Variants in SLC24A2 observed in about 807,000 individuals in gnomAD.
The protein encoded by SLC24A2 is sodium/potassium/calcium exchanger 2.
In SLC24A2, 36 loss-of-function variants were observed where a neutral mutation model predicts 62.0. The observed-to-expected ratio is 0.58, with a 90% CI of 0.44 to 0.77. The LOEUF is 0.77. Among genes scored for constraint, SLC24A2 ranks in the 30% least tolerant of loss-of-function variants. The pLI is 0.00. For missense variants in SLC24A2, 846 were observed against 817.9 expected (o/e 1.03, Z -0.42); for synonymous variants, 358 against 294.0 (o/e 1.22, Z -2.23).
intron 9 of SLC24A2, among the ~76,000 whole-genome samples, chr9:19,525,010 G>C (rs546773212): frequency 6.6e-6 from 1 of 152,292 alleles, no homozygotes; most frequent in South Asian, 2.1e-4. Context: ...ATGGCAAACA[G>C]TCCTTTCAGC....
intron 8 of SLC24A2, among the ~76,000 whole-genome samples, chr9:19,547,021 C>G (rs1834612783): frequency 6.6e-6 from 1 of 152,172 alleles, no homozygotes; most frequent in African/African-American, 2.4e-5. Flanking sequence ...AATCACCTGC[C>G]TTCTGTGGCG....
At chr9:20,288,065 T>C in the SLC24A2 span, among the ~76,000 whole-genome samples, 1 of 152,118 alleles carries the variant, frequency 6.6e-6, no homozygotes, top group Non-Finnish European at 1.5e-5. Flanking sequence ...CATTAAAATT[T>C]CCAGACCATA....
the SLC24A2 span, among the ~76,000 whole-genome samples, chr9:20,007,948 T>A: frequency 7.9e-6 from 1 of 126,312 alleles, no homozygotes; most frequent in East Asian, 2.6e-4. Context: ...CAGGCTGGAG[T>A]GAAGTGGCAT....
the SLC24A2 span, among the ~76,000 whole-genome samples, chr9:20,085,116 C>G: frequency 6.6e-6 from 1 of 152,184 alleles, no homozygotes; most frequent in African/African-American, 2.4e-5. Flanking sequence ...CCACCTCAGC[C>G]TCCAGAGTAG....
the SLC24A2 span, among the ~76,000 whole-genome samples, chr9:19,801,383 G>T: frequency 6.6e-5 from 10 of 152,322 alleles, no homozygotes; most frequent in African/African-American, 2.4e-4. Context: ...CACCCTGCTG[G>T]ATGCCGAGGG....
chr9:19,571,658 C>G (rs1476551229), intron 7 of SLC24A2, among the ~76,000 whole-genome samples: 1 of 152,118 alleles, frequency 6.6e-6, no homozygotes, highest in Non-Finnish European at 1.5e-5. Context: ...GATGACCTCC[C>G]CAGAGAATTT....
chr9:19,940,340 G>T, the SLC24A2 span, among the ~76,000 whole-genome samples: 7 of 152,140 alleles, frequency 4.6e-5, no homozygotes, highest in Non-Finnish European at 7.4e-5. Context: ...ATAGTCAGGG[G>T]GTACTTTTAT....
intron 2 of SLC24A2, among the ~76,000 whole-genome samples, chr9:19,670,023 G>A (rs1403104249): frequency 6.6e-6 from 1 of 152,176 alleles, no homozygotes; most frequent in Non-Finnish European, 1.5e-5. Flanking sequence ...GGCATTCAGA[G>A]AATAGCCTGC....
chr9:20,004,193 C>T, the SLC24A2 span, among the ~76,000 whole-genome samples: 2 of 152,208 alleles, frequency 1.3e-5, no homozygotes, highest in Non-Finnish European at 2.9e-5. Context: ...ATGGGCTGCA[C>T]TCATGCAATC....
At chr9:19,544,460 G>C (rs1209969395) in intron 8 of SLC24A2, among the ~76,000 whole-genome samples, 2 of 152,016 alleles carry the variant, frequency 1.3e-5, no homozygotes, top group African/African-American at 2.4e-5. Context: ...GTGTGAATTT[G>C]ATTCTGTCAT....
chr9:19,944,926 C>T, the SLC24A2 span, among the ~76,000 whole-genome samples: 3 of 152,140 alleles, frequency 2.0e-5, no homozygotes, highest in Non-Finnish European at 4.4e-5. Context: ...AGGTGCCTAA[C>T]TTCTGTTTGA....
the SLC24A2 span, among the ~76,000 whole-genome samples, chr9:20,165,156 T>A: frequency 4.0e-5 from 6 of 151,634 alleles, no homozygotes; most frequent in Non-Finnish European, 8.8e-5. Flanking sequence ...AAGAAAGATA[T>A]GAAAATAACA....
chr9:19,948,844 C>CAAAA, the SLC24A2 span, among the ~76,000 whole-genome samples: 6 of 71,736 alleles, frequency 8.4e-5, no homozygotes, highest in Admixed American at 3.0e-4. Context: ...GACTCCGTCT[C>CAAAA]AAAAAAAAAA....
intron 9 of SLC24A2, among the ~76,000 whole-genome samples, chr9:19,523,120 C>T (rs1410176488): frequency 6.6e-6 from 1 of 152,156 alleles, no homozygotes; most frequent in African/African-American, 2.4e-5. Flanking sequence ...CATTTGAGAC[C>T]AGACTGGGCA....
At chr9:19,807,134 T>C in the SLC24A2 span, among the ~76,000 whole-genome samples, 1 of 152,246 alleles carries the variant, frequency 6.6e-6, no homozygotes, top group Non-Finnish European at 1.5e-5. Context: ...TGGACTTCAT[T>C]TGAATTCTGT....
the SLC24A2 span, among the ~76,000 whole-genome samples, chr9:20,019,137 G>GAA: frequency 9.5e-6 from 1 of 105,446 alleles, no homozygotes; most frequent in African/African-American, 4.1e-5. Context: ...AAGAAAGAAA[G>GAA]AAAGAAAGAA....
the SLC24A2 span, among the ~76,000 whole-genome samples, chr9:19,879,015 C>A: frequency 6.6e-6 from 1 of 152,100 alleles, no homozygotes; most frequent in African/African-American, 2.4e-5. Context: ...AAACCATGTA[C>A]CACCACAGGA....
At chr9:19,963,599 C>A in the SLC24A2 span, among the ~76,000 whole-genome samples, 1 of 152,162 alleles carries the variant, frequency 6.6e-6, no homozygotes, top group African/African-American at 2.4e-5. Context: ...ATTTATGCAG[C>A]CAAAAAACAC....
At chr9:19,848,749 A>G in the SLC24A2 span, among the ~76,000 whole-genome samples, 1 of 152,336 alleles carries the variant, frequency 6.6e-6, no homozygotes, top group Non-Finnish European at 1.5e-5. Context: ...CTAACCACAA[A>G]AGATTGTTCT....
Sources: gnomAD v4.1 joint callset for allele counts (sites outside exome capture counted in the v4.1 genomes callset) on GRCh38, gnomAD v4.1.1 for gene constraint, MANE v1.5 for transcripts, NCBI Gene and HGNC (gene_info 2026-07-23, HGNC 2026-07-21) for gene names.